The following SLC24A3 variants were observed in gnomAD, a reference collection of about 807,000 sequenced individuals.
SLC24A3 encodes sodium/potassium/calcium exchanger 3.
A neutral mutation model predicts 75.8 loss-of-function variants in SLC24A3; 28 were observed. That is an observed-to-expected ratio of 0.37 (90% CI 0.27 to 0.51). SLC24A3 has a LOEUF of 0.51. Ranked by LOEUF, SLC24A3 falls within the 20% of genes least tolerant of loss-of-function variation. SLC24A3 has a pLI of 0.94. For missense variants in SLC24A3, 663 were observed against 847.8 expected, an observed-to-expected ratio of 0.78 and a Z score of 2.71; for synonymous variants, 372 against 334.1, an observed-to-expected ratio of 1.11 and a Z score of -1.24.
At chr20:19,264,540 C>T (rs1983099488) in intron 1 of SLC24A3, among the ~76,000 whole-genome samples, 1 of 151,742 alleles carries the variant, frequency 6.6e-6, no homozygotes, top group Non-Finnish European at 1.5e-5. Flanking sequence ...GCCTGGGCAA[C>T]ACGGTGAAAA....
chr20:19,396,113 AGTTACCAATATCCTC>A (rs1201631917), intron 2 of SLC24A3, among the ~76,000 whole-genome samples: 2 of 151,732 alleles, frequency 1.3e-5, no homozygotes, highest in Non-Finnish European at 2.9e-5. Context: ...TGCAAAAGGA[AGTTACCAATATCCTC>A]GTTACCAGAT....
At chr20:19,576,471 G>C (rs1447094980) in intron 3 of SLC24A3, among the ~76,000 whole-genome samples, 1 of 152,146 alleles carries the variant, frequency 6.6e-6, no homozygotes, top group Non-Finnish European at 1.5e-5. Flanking sequence ...AGAGTGGCAG[G>C]CCCACCGTCA....
chr20:19,603,346 A>G (rs1320079639), intron 6 of SLC24A3, among the ~76,000 whole-genome samples: 1 of 152,162 alleles, frequency 6.6e-6, no homozygotes, highest in Non-Finnish European at 1.5e-5. Context: ...GAATTTTGGC[A>G]TCTTCAACTT....
chr20:19,295,863 T>C (rs985217264), intron 2 of SLC24A3, among the ~76,000 whole-genome samples: 7 of 152,192 alleles, frequency 4.6e-5, no homozygotes, highest in Non-Finnish European at 8.8e-5. Flanking sequence ...AAGATGATGC[T>C]GGCCTCATAG....
chr20:19,643,126 T>C (rs532827887), intron 6 of SLC24A3, among the ~76,000 whole-genome samples: 16 of 152,172 alleles, frequency 1.1e-4, no homozygotes, highest in South Asian at 2.1e-4. Context: ...AAAATATCAC[T>C]GTTCACTCCT....
chr20:19,224,311 C>T (rs917223575), intron 1 of SLC24A3, among the ~76,000 whole-genome samples: 1 of 152,076 alleles, frequency 6.6e-6, no homozygotes, highest in Non-Finnish European at 1.5e-5. Context: ...GTCACCTATT[C>T]CCAAAAAAGT....
At chr20:19,223,135 A>T (rs529464800) in intron 1 of SLC24A3, among the ~76,000 whole-genome samples, 1 of 152,070 alleles carries the variant, frequency 6.6e-6, no homozygotes, top group African/African-American at 2.4e-5. Context: ...TCTACTAAAA[A>T]TACAAAATTA....
chr20:19,405,074 C>T (rs1986619066), intron 2 of SLC24A3, among the ~76,000 whole-genome samples: 1 of 152,182 alleles, frequency 6.6e-6, no homozygotes, highest in Non-Finnish European at 1.5e-5. Flanking sequence ...TCTTGCTAAA[C>T]ATGACTTTCT....
In SLC24A3 at chr20:19,654,238, G is replaced by C. The variant is rs187587792; in HGVS notation, c.687+102G>C. 32 of 1,029,184 alleles carry C rather than the reference G, an allele frequency of 3.1e-5. No homozygotes were observed. In the Admixed American group the frequency reaches 6.2e-4, roughly 20 times the overall value. The allele number at this position is 1,029,184 out of a possible 1,614,324, so 63.8% of individuals were successfully genotyped here. On this transcript the variant is annotated intron_variant, in intron 7 of 16. Coordinates refer to ENST00000328041, the MANE Select transcript of SLC24A3 (RefSeq NM_020689.4). ...GAGTTCACTCGAGGTCACCGGTGGC[G>C]AGTGCGAGATGCATGTCTTTGCTTG... is the stretch of plus-strand genomic sequence containing the variant.
chr20:19,389,517 T>A (rs1215946715), intron 2 of SLC24A3, among the ~76,000 whole-genome samples: 1 of 152,152 alleles, frequency 6.6e-6, no homozygotes, highest in Non-Finnish European at 1.5e-5. Flanking sequence ...GTTTTGTTTT[T>A]TTTTTCTTCT....
At chr20:19,572,751 T>C (rs2031072832) in intron 3 of SLC24A3, among the ~76,000 whole-genome samples, 1 of 152,190 alleles carries the variant, frequency 6.6e-6, no homozygotes, top group Non-Finnish European at 1.5e-5. Context: ...CATTTCTCTC[T>C]AGTGACTAGA....
chr20:19,294,999 A>G (rs73284604), intron 2 of SLC24A3, among the ~76,000 whole-genome samples: 3,069 of 152,284 alleles, frequency 0.02, 42 homozygotes, highest in African/African-American at 0.031. Flanking sequence ...ATTGCATTCT[A>G]ACTGGCTCGA....
At chr20:19,314,277 ATTTATTTTATTTTATTTTATTTTAT>A (rs11474596) in intron 2 of SLC24A3, among the ~76,000 whole-genome samples, 3 of 126,442 alleles carry the variant, frequency 2.4e-5, no homozygotes, top group Admixed American at 8.1e-5. Flanking sequence ...GTTTTTATTT[ATTTATTTTATTTTATTTTATTTTAT>A]TTTATTTTAT....
chr20:19,515,147 T>G (rs2029959475), intron 2 of SLC24A3, among the ~76,000 whole-genome samples: 1 of 152,190 alleles, frequency 6.6e-6, no homozygotes, highest in Non-Finnish European at 1.5e-5. Context: ...AATATAGTAG[T>G]TCACGTGCTT....
At chr20:19,336,330 C>A (rs6112318) in intron 2 of SLC24A3, among the ~76,000 whole-genome samples, 5 of 152,290 alleles carry the variant, frequency 3.3e-5, no homozygotes, top group Middle Eastern at 3.4e-3. Flanking sequence ...CCTGCCAAGC[C>A]TAAAAGATTT....
chr20:19,403,928 C>A (rs1469973402), intron 2 of SLC24A3, among the ~76,000 whole-genome samples: 1 of 152,162 alleles, frequency 6.6e-6, no homozygotes, highest in Non-Finnish European at 1.5e-5. Flanking sequence ...AAATGGGTAA[C>A]CCTCATGATA....
chr20:19,630,963 A>G (rs1163035470), intron 6 of SLC24A3, among the ~76,000 whole-genome samples: 1 of 152,244 alleles, frequency 6.6e-6, no homozygotes, highest in Non-Finnish European at 1.5e-5. Context: ...AACCAATTAT[A>G]TTAACAACCA....
intron 1 of SLC24A3, among the ~76,000 whole-genome samples, chr20:19,234,190 C>T (rs1982103740): frequency 6.6e-6 from 1 of 152,206 alleles, no homozygotes; most frequent in African/African-American, 2.4e-5. Flanking sequence ...AAGTGAGAGC[C>T]TTGGAACAGC....
chr20:19,648,826 G>A (rs2032167506), intron 6 of SLC24A3, among the ~76,000 whole-genome samples: 1 of 152,176 alleles, frequency 6.6e-6, no homozygotes, highest in Non-Finnish European at 1.5e-5. Context: ...ATATTCAATA[G>A]AGAATGTGTG....
Sources: gnomAD v4.1 joint callset for allele counts (sites outside exome capture counted in the v4.1 genomes callset) on GRCh38, gnomAD v4.1.1 for gene constraint, MANE v1.5 for transcripts, NCBI Gene and HGNC (gene_info 2026-07-23, HGNC 2026-07-21) for gene names.